Variants in REV1 observed in about 807,000 individuals in gnomAD.
REV1 encodes the protein REV1 DNA directed polymerase.
In REV1, 42 loss-of-function variants were observed where a neutral mutation model predicts 137.4. That is an observed-to-expected ratio of 0.31 (90% CI 0.24 to 0.40). The LOEUF (loss-of-function observed/expected upper bound fraction) is 0.40, where lower values mean the gene tolerates loss of function less well. Ranked by LOEUF, REV1 falls within the 10% of genes least tolerant of loss-of-function variation. REV1 has a pLI of 1.00. For synonymous variants in REV1, 524 were observed against 519.2 expected (o/e 1.01, Z -0.12); for missense variants, 1,282 against 1,490.1 (o/e 0.86, Z 2.30).
chr2:99,447,492 T>C (rs146189117), intron 4 of REV1, among the ~76,000 whole-genome samples: 2,148 of 152,230 alleles, frequency 0.014, 44 homozygotes, highest in African/African-American at 0.046. Context: ...TTTCTAGAGA[T>C]AGTAATGTAC....
intron 1 of REV1, among the ~76,000 whole-genome samples, chr2:99,480,798 G>A (rs1007496014): frequency 2.0e-5 from 3 of 152,024 alleles, no homozygotes; most frequent in African/African-American, 7.3e-5. Context: ...AGCAGAAGTT[G>A]TCACTGCTTC....
At chr2:99,423,925 A>C (rs1202811383) in intron 10 of REV1, among the ~76,000 whole-genome samples, 2 of 152,200 alleles carry the variant, frequency 1.3e-5, no homozygotes, top group Non-Finnish European at 2.9e-5. Flanking sequence ...TACATCAACC[A>C]AGGAAGCACA....
At position 99,402,269 on chromosome 2, in the gene REV1, C is replaced by A. The variant is rs758011802; in HGVS notation, c.3619G>T (p.Asp1207Tyr). The A allele has an allele frequency of 7.0e-7, 1 of 1,421,418 alleles. No homozygotes were observed. Among genetic ancestry groups the A allele is most frequent in the Non-Finnish European group, 9.7e-7 (1 of 1,027,332 alleles). The allele number at this position is 1,421,418 out of a possible 1,614,324, so 88.1% of individuals were successfully genotyped here. A position where few individuals can be genotyped will look rare whatever the true frequency, so the allele number is the denominator to read the frequency against. Residue 1207 changes from aspartate to tyrosine, a missense_variant, in exon 22 of 23, where the codon GAT becomes TAT. Around this residue, in one of 7 missense-constraint regions of REV1, gnomAD observed 43 missense variants for 79.1 expected, o/e 0.54. Coordinates refer to ENST00000258428, the MANE Select transcript of REV1 (RefSeq NM_016316.4). ...LIEEKDLEKL[D>Y]LVIKYMKRLM... Reference sequence around the variant, plus strand: ...CTTTTCATGTATTTTATAACTAGATCCAGTTTTTCCAAATCTTTTTCTTCT... The same window carrying A: ...CTTTTCATGTATTTTATAACTAGATACAGTTTTTCCAAATCTTTTTCTTCT...
intron 3 of REV1, among the ~76,000 whole-genome samples, chr2:99,456,922 G>C (rs1452121351): frequency 1.3e-5 from 2 of 152,200 alleles, no homozygotes; most frequent in East Asian, 1.9e-4. Context: ...GGGTAATCTT[G>C]TTGAGCAAAA....
chr2:99,487,652 T>A lies in REV1; in HGVS notation c.-11+2165A>T, dbSNP rs1687281840. ...TGCTATTATAGTAAAAAAAAACTTT[T>A]CATTTTTAAATGTTCTGTTTAATAT... On this transcript the variant is annotated intron_variant, in intron 1 of 22. Coordinates refer to ENST00000258428, the MANE Select transcript of REV1 (RefSeq NM_016316.4). Among the ~76,000 whole-genome samples the A allele has an allele frequency of 1.7e-5, 2 of 119,362 alleles. 1 individual carries two copies. The highest frequency in any genetic ancestry group is 3.7e-5 in the Non-Finnish European group (2 of 54,656). The allele number at this position is 119,362 out of a possible 152,430, so 78.3% of individuals were successfully genotyped here.
intron 1 of REV1, among the ~76,000 whole-genome samples, chr2:99,473,427 A>G (rs960025417): frequency 2.0e-5 from 3 of 152,206 alleles, no homozygotes; most frequent in African/African-American, 4.8e-5. Flanking sequence ...ACCTAGGTGA[A>G]GGGCACAATT....
At chr2:99,409,861 C>A (rs111394008) in intron 14 of REV1, among the ~76,000 whole-genome samples, 4 of 133,044 alleles carry the variant, frequency 3.0e-5, no homozygotes, top group African/African-American at 5.3e-5. Flanking sequence ...CAACCCCCCC[C>A]CCCCCCAAAA....
At chr2:99,425,226 G>A (rs1559323646) in intron 9 of REV1, among the ~76,000 whole-genome samples, 1 of 152,040 alleles carries the variant, frequency 6.6e-6, no homozygotes, top group Non-Finnish European at 1.5e-5. Context: ...ATAGGCCTCT[G>A]GCACCCTCCC....
chr2:99,483,179 G>A (rs1249547582), intron 1 of REV1, among the ~76,000 whole-genome samples: 1 of 151,964 alleles, frequency 6.6e-6, no homozygotes, highest in Non-Finnish European at 1.5e-5. Context: ...AATTTATTAT[G>A]AGTAAAATAC....
intron 12 of REV1, among the ~76,000 whole-genome samples, chr2:99,414,446 G>C (rs1174905030): frequency 6.7e-6 from 1 of 149,490 alleles, no homozygotes. Context: ...AAGACCCCGA[G>C]TTAACAATTT....
intron 2 of REV1, among the ~76,000 whole-genome samples, chr2:99,463,087 C>A (rs1161268518): frequency 6.7e-6 from 1 of 149,302 alleles, no homozygotes; most frequent in Non-Finnish European, 1.5e-5. Flanking sequence ...GACTCCATCT[C>A]AAAAAAAAAT....
intron 22 of REV1, among the ~76,000 whole-genome samples, chr2:99,401,760 T>C (rs937251548): frequency 1.3e-5 from 2 of 151,856 alleles, no homozygotes; most frequent in Admixed American, 6.6e-5. Context: ...AAAAATAAAA[T>C]CCTAGAACAC....
At chr2:99,483,732 C>T (rs1340791575) in intron 1 of REV1, among the ~76,000 whole-genome samples, 1 of 152,050 alleles carries the variant, frequency 6.6e-6, no homozygotes, top group Non-Finnish European at 1.5e-5. Flanking sequence ...ATATGAGATA[C>T]TAAGTGTTGC....
intron 8 of REV1, among the ~76,000 whole-genome samples, chr2:99,431,482 A>G (rs1680117059): frequency 6.6e-6 from 1 of 152,220 alleles, no homozygotes; most frequent in Admixed American, 6.5e-5. Flanking sequence ...AGAGGGTGCT[A>G]CTAGACCCCA....
At chr2:99,450,144 AC>A (rs1172606415) in intron 3 of REV1, among the ~76,000 whole-genome samples, 3 of 152,202 alleles carry the variant, frequency 2.0e-5, no homozygotes, top group Admixed American at 6.5e-5. Flanking sequence ...AAGACTGCAA[AC>A]CAAGAAACAC....
At chr2:99,440,558 C>T (rs3792143) in intron 5 of REV1, among the ~76,000 whole-genome samples, 34,324 of 152,118 alleles carry the variant, frequency 0.23, 4,310 homozygotes, top group Admixed American at 0.32. Context: ...AGATGCCATG[C>T]TCACAGATGA....
chr2:99,457,600 G>A (rs527811493), intron 3 of REV1, among the ~76,000 whole-genome samples: 3 of 121,006 alleles, frequency 2.5e-5, no homozygotes, highest in East Asian at 2.2e-4. Context: ...TACAAGAATC[G>A]CTTGAGCCAG....
At chr2:99,434,546 T>G (rs534928315) in intron 7 of REV1, 98 bp from the exon 8 acceptor site, 30 of 625,986 alleles carry the variant, frequency 4.8e-5, no homozygotes, top group African/African-American at 4.5e-4. Flanking sequence ...CATGCCTTTT[T>G]TTTCTTTAGC....
rs1219328485 is a variant in REV1, at chr2:99,401,203, G to A, written c.*38C>T. The A allele has an allele frequency of 7.9e-7, 1 of 1,270,776 alleles. No individual in the cohort carries two copies. The highest frequency in any genetic ancestry group is 1.7e-5 in the Admixed American group (1 of 59,200). 78.7% of individuals were successfully genotyped at this position (1,270,776 alleles called of 1,614,324 possible). On this transcript the variant is annotated 3_prime_UTR_variant, in exon 23 of 23. Transcript: ENST00000258428. ...TGCAAATACCTCACAAGCACTTATG[G>A]CACAGCTATCAGAGAGCATCAGGCT...
Sources: allele counts gnomAD v4.1 joint callset (sites outside exome capture counted in the v4.1 genomes callset), GRCh38; gene constraint gnomAD v4.1.1; regional missense constraint gnomAD v4.1.1; transcripts MANE v1.5; gene names NCBI Gene and HGNC (gene_info 2026-07-23, HGNC 2026-07-21).